The following PTPRD variants were observed in gnomAD, a reference collection of about 807,000 sequenced individuals.
PTPRD encodes receptor-type tyrosine-protein phosphatase delta.
Under a neutral mutation model 214.5 loss-of-function variants are expected in PTPRD, and 34 were observed. The ratio of observed to expected loss-of-function variants is 0.16; its 90% CI spans 0.12 to 0.21. The LOEUF (loss-of-function observed/expected upper bound fraction) is 0.21. Ranked by LOEUF, PTPRD falls within the 10% of genes least tolerant of loss-of-function variation. The pLI, the probability that PTPRD is intolerant of heterozygous loss-of-function variation, is 1.00. For synonymous variants in PTPRD, 1,128 were observed against 845.7 expected, an observed-to-expected ratio of 1.33 and a Z score of -5.79; for missense variants, 2,545 against 2,398.7, an observed-to-expected ratio of 1.06 and a Z score of -1.27.
intron 35 of PTPRD, among the ~76,000 whole-genome samples, chr9:8,429,867 T>C (rs1042891690): frequency 6.6e-6 from 1 of 152,188 alleles, no homozygotes; most frequent in East Asian, 1.9e-4. Context: ...CCCTCTCCAA[T>C]GGCAACAGAA....
chr9:10,090,510 A>G (rs1307672344), intron 3 of PTPRD, among the ~76,000 whole-genome samples: 3 of 151,132 alleles, frequency 2.0e-5, no homozygotes, highest in African/African-American at 7.3e-5. Context: ...TAACAACTTT[A>G]TTTTGGTTGA....
At chr9:8,456,587 C>CT (rs2096211838) in intron 33 of PTPRD, among the ~76,000 whole-genome samples, 1 of 152,128 alleles carries the variant, frequency 6.6e-6, no homozygotes, top group Non-Finnish European at 1.5e-5. Flanking sequence ...TTCTGGACTG[C>CT]ATTTCCTTGA....
At chr9:10,145,175 A>T (rs897350373) in intron 3 of PTPRD, among the ~76,000 whole-genome samples, 1 of 152,138 alleles carries the variant, frequency 6.6e-6, no homozygotes, top group Non-Finnish European at 1.5e-5. Flanking sequence ...AAAAATTGAG[A>T]TTTCTGTTTC....
At chr9:10,360,484 T>C (rs928594837) in intron 2 of PTPRD, among the ~76,000 whole-genome samples, 2 of 152,224 alleles carry the variant, frequency 1.3e-5, no homozygotes, top group African/African-American at 4.8e-5. Context: ...CCCTCTATCA[T>C]TCTCCTTCTC....
chr9:9,192,146 G>C (rs1325698502), intron 9 of PTPRD, among the ~76,000 whole-genome samples: 3 of 151,882 alleles, frequency 2.0e-5, no homozygotes, highest in African/African-American at 7.3e-5. Flanking sequence ...TTTTCCCATA[G>C]TTGTTCAATA....
At chr9:8,824,130 G>A (rs2097130512) in intron 11 of PTPRD, among the ~76,000 whole-genome samples, 2 of 152,122 alleles carry the variant, frequency 1.3e-5, no homozygotes, top group African/African-American at 2.4e-5. Context: ...TATTAGCAAG[G>A]TTTTCATGGC....
At chr9:9,269,285 G>A (rs1384963601) in intron 9 of PTPRD, among the ~76,000 whole-genome samples, 2 of 151,176 alleles carry the variant, frequency 1.3e-5, no homozygotes, top group African/African-American at 2.4e-5. Flanking sequence ...TCGGAAACAC[G>A]CAAATCAAAA....
rs2090378647 is a variant in PTPRD, at chr9:9,938,583, C to G, written c.-444G>C. ...CACCTCTAACTGGAATATCACGGGC[C>G]AGGAACTGCTTGCCTTTTATTTTCC... is the stretch of plus-strand genomic sequence containing the variant. On this transcript the variant is annotated 5_prime_UTR_variant, in exon 5 of 46. Transcript: ENST00000381196. The G allele has an allele frequency of 6.6e-6, 1 of 152,064 alleles. No homozygotes were observed. Among genetic ancestry groups the G allele is most frequent in the South Asian group, 2.1e-4 (1 of 4,826 alleles). The allele number at this position is 152,064 out of a possible 1,614,324, so 9.4% of individuals were successfully genotyped here.
intron 5 of PTPRD, among the ~76,000 whole-genome samples, chr9:9,836,628 CAT>C (rs990479993): frequency 3.3e-5 from 5 of 152,120 alleles, no homozygotes; most frequent in African/African-American, 1.2e-4. Flanking sequence ...CAGAGAGTAA[CAT>C]AGAGAAAAAC....
intron 44 of PTPRD, among the ~76,000 whole-genome samples, chr9:8,330,676 G>GAGAAACTTCATT (rs1247638973): frequency 3.3e-5 from 5 of 150,658 alleles, no homozygotes; most frequent in African/African-American, 1.2e-4. Context: ...CTGAAGTCCA[G>GAGAAACTTCATT]AGAAACTTCA....
intron 4 of PTPRD, among the ~76,000 whole-genome samples, chr9:9,980,649 C>T: frequency 8.5e-6 from 1 of 117,200 alleles, no homozygotes; most frequent in Non-Finnish European, 1.8e-5. Context: ...AAAAAAAACC[C>T]TTTATGGATC....
At chr9:9,301,195 T>C (rs924900475) in intron 9 of PTPRD, among the ~76,000 whole-genome samples, 10 of 151,896 alleles carry the variant, frequency 6.6e-5, no homozygotes, top group African/African-American at 2.4e-4. Context: ...TAGAACTATG[T>C]TAAAGTTTTT....
At chr9:9,630,592 T>C (rs1458483542) in intron 7 of PTPRD, among the ~76,000 whole-genome samples, 1 of 152,196 alleles carries the variant, frequency 6.6e-6, no homozygotes, top group Admixed American at 6.5e-5. Context: ...TTTATGAAAT[T>C]TGAGTAAAAT....
chr9:9,316,355 G>T (rs1963098538), intron 9 of PTPRD, among the ~76,000 whole-genome samples: 1 of 151,876 alleles, frequency 6.6e-6, no homozygotes, highest in African/African-American at 2.4e-5. Context: ...ACATTTTTCA[G>T]GTTAGAATAC....
chr9:8,328,594 T>C (rs1836424051), intron 44 of PTPRD, among the ~76,000 whole-genome samples: 1 of 115,200 alleles, frequency 8.7e-6, no homozygotes, highest in Admixed American at 9.0e-5. Flanking sequence ...GAAGTTCTTC[T>C]GGATAATATC....
rs1563892233 is a variant in PTPRD, at chr9:8,321,523, ATAT to A, written c.5535-1560_5535-1558del. On this transcript the variant is annotated intron_variant, in intron 44 of 45. Coordinates refer to ENST00000381196, the MANE Select transcript of PTPRD (RefSeq NM_002839.4). Reference sequence around the variant, plus strand: ...TATATATATATATATATATATATATATATAAAAGGTATATGCATCGCAATTCCT... The same window carrying A: ...TATATATATATATATATATATATATAAAAAGGTATATGCATCGCAATTCCT... Among the ~76,000 whole-genome samples, 337 of 131,874 alleles carry A rather than the reference ATAT, an allele frequency of 2.6e-3. 1 individual carries two copies. Among genetic ancestry groups the A allele is most frequent in the Non-Finnish European group, 3.7e-3 (227 of 60,954 alleles). 86.5% of individuals were successfully genotyped at this position (131,874 alleles called of 152,430 possible). A position where few individuals can be genotyped will look rare whatever the true frequency, so the allele number is the denominator to read the frequency against.
intron 3 of PTPRD, among the ~76,000 whole-genome samples, chr9:10,205,482 T>G (rs2154337242): frequency 6.6e-6 from 1 of 152,110 alleles, no homozygotes; most frequent in South Asian, 2.1e-4. Flanking sequence ...CTTGGCTCAC[T>G]GCAACCTCCA....
intron 3 of PTPRD, among the ~76,000 whole-genome samples, chr9:10,256,221 T>A (rs1564823142): frequency 6.6e-6 from 1 of 152,052 alleles, no homozygotes; most frequent in African/African-American, 2.4e-5. Context: ...CCAAAAAGGT[T>A]GGGGGCTGCT....
In PTPRD at chr9:8,883,863, C is replaced by G. The variant is rs563178666; in HGVS notation, c.-104+134834G>C. 9.9e-5 allele frequency among the ~76,000 whole-genome samples: 15 copies of G among 152,188 alleles called. No individual in the cohort carries two copies. The South Asian group carries it at 2.9e-3, about 29-fold the overall frequency. ...AATGGATATTAGAGCCTACCAAAGG[C>G]AGAGCAAAATATCTGGGGATATACA... On this transcript the variant is annotated intron_variant, in intron 11 of 45. Transcript: ENST00000381196.
Sources: allele counts gnomAD v4.1 joint callset (sites outside exome capture counted in the v4.1 genomes callset), GRCh38; gene constraint gnomAD v4.1.1; transcripts MANE v1.5; gene names NCBI Gene and HGNC (gene_info 2026-07-23, HGNC 2026-07-21).